The following GRM1 variants were observed in gnomAD, a reference collection of about 807,000 sequenced individuals.
GRM1 encodes glutamate metabotropic receptor 1, also known as metabotropic glutamate receptor 1.
In GRM1, 33 loss-of-function variants were observed where a neutral mutation model predicts 90.9. The observed-to-expected ratio is 0.36, with a 90% CI of 0.28 to 0.49. The LOEUF is 0.49. Ranked by LOEUF, GRM1 falls within the 20% of genes least tolerant of loss-of-function variation. The pLI, the probability that GRM1 is intolerant of heterozygous loss-of-function variation, is 0.99. For synonymous variants in GRM1, 700 were observed against 613.2 expected, an observed-to-expected ratio of 1.14 and a Z score of -2.09; for missense variants, 1,190 against 1,534.3, an observed-to-expected ratio of 0.78 and a Z score of 3.75.
chr6:146,260,139 C>T (rs547387737), intron 2 of GRM1, among the ~76,000 whole-genome samples: 308 of 152,070 alleles, frequency 2.0e-3, no homozygotes, highest in African/African-American at 7.1e-3. Context: ...AGATATTACT[C>T]CTAATGCTAT....
At chr6:146,089,354 A>G (rs1355968922) in intron 1 of GRM1, among the ~76,000 whole-genome samples, 2 of 152,078 alleles carry the variant, frequency 1.3e-5, no homozygotes, top group African/African-American at 2.4e-5. Flanking sequence ...TCCCAGTCAA[A>G]ACATCAGATG....
intron 2 of GRM1, among the ~76,000 whole-genome samples, chr6:146,200,290 C>T (rs1416346465): frequency 2.6e-5 from 4 of 152,162 alleles, no homozygotes; most frequent in Non-Finnish European, 5.9e-5. Context: ...TTGCTCTCAT[C>T]TTTTAGTCTT....
Position 146,434,106 on chromosome 6 carries a change from G to A in GRM1, c.2895G>A (p.Pro965=), listed in dbSNP as rs148761295. Reference sequence around the variant, plus strand: ...TAGAGGAGGAGGAGGATGCCCAGCCGATTCGCTTTAGCCCGCCTGGTAGCC... The same window carrying A: ...TAGAGGAGGAGGAGGATGCCCAGCCAATTCGCTTTAGCCCGCCTGGTAGCC... ...YNVEEEEDAQ[P]IRFSPPGSPS... The change falls in exon 8 of 8, where the codon CCG becomes CCA. Residue 965 remains proline (P), a synonymous_variant. Transcript: ENST00000282753. 8.7e-6 allele frequency: 14 copies of A among 1,614,066 alleles called. No homozygotes were observed. In the African/African-American group the frequency reaches 1.5e-4, roughly 17 times the overall value.
rs543593545 is a variant in GRM1 at position 146,032,023 on chromosome 6, G to T, written c.700+1806G>T. Among the ~76,000 whole-genome samples the T allele has an allele frequency of 1.4e-4, 22 of 152,208 alleles. No individual in the cohort carries two copies. The South Asian group carries it at 4.6e-3, about 32-fold the overall frequency. On this transcript the variant is annotated intron_variant, in intron 1 of 7. Transcript: ENST00000282753. Reference sequence around the variant, plus strand: ...ATTTTCCATATTTCATTATAAGATTGTTTTATTTGGTGAGAGGTGGCTAAT... The same window carrying T: ...ATTTTCCATATTTCATTATAAGATTTTTTTATTTGGTGAGAGGTGGCTAAT...
intron 1 of GRM1, among the ~76,000 whole-genome samples, chr6:146,057,585 C>T (rs1025159505): frequency 6.6e-6 from 1 of 152,076 alleles, no homozygotes; most frequent in Non-Finnish European, 1.5e-5. Flanking sequence ...CAATCAATCT[C>T]TTAACTCATT....
intron 1 of GRM1, among the ~76,000 whole-genome samples, chr6:146,144,643 A>C (rs1225677186): frequency 6.6e-6 from 1 of 152,246 alleles, no homozygotes; most frequent in African/African-American, 2.4e-5. Flanking sequence ...AATTGGCACC[A>C]GGAGTGGGGT....
At chr6:146,203,422 A>G (rs960297000) in intron 2 of GRM1, among the ~76,000 whole-genome samples, 1 of 152,084 alleles carries the variant, frequency 6.6e-6, no homozygotes, top group African/African-American at 2.4e-5. Context: ...TAGCAGACAT[A>G]GAAAAGTGAA....
chr6:146,065,025 C>T (rs958012508), intron 1 of GRM1, among the ~76,000 whole-genome samples: 3 of 151,848 alleles, frequency 2.0e-5, no homozygotes, highest in African/African-American at 7.3e-5. Flanking sequence ...TATTGATTTA[C>T]ACTTAAAGTT....
At chr6:146,054,731 GT>G (rs1775418094) in intron 1 of GRM1, among the ~76,000 whole-genome samples, 1 of 152,088 alleles carries the variant, frequency 6.6e-6, no homozygotes, top group South Asian at 2.1e-4. Context: ...TTTTATATTT[GT>G]TTTTTAATGC....
chr6:146,363,690 G>T (rs362909), intron 5 of GRM1, among the ~76,000 whole-genome samples: 1 of 151,982 alleles, frequency 6.6e-6, no homozygotes, highest in Admixed American at 6.6e-5. Flanking sequence ...CATAAAATAG[G>T]TGTGTTCTCA....
intron 2 of GRM1, among the ~76,000 whole-genome samples, chr6:146,165,048 C>A (rs1777861850): frequency 6.6e-6 from 1 of 151,992 alleles, no homozygotes; most frequent in African/African-American, 2.4e-5. Flanking sequence ...CTTTCTATCA[C>A]TCCTCACTGC....
chr6:146,107,876 T>C (rs1188800579), intron 1 of GRM1, among the ~76,000 whole-genome samples: 3 of 152,272 alleles, frequency 2.0e-5, no homozygotes, highest in Non-Finnish European at 2.9e-5. Flanking sequence ...AATTATTGAG[T>C]CTTAATCATA....
intron 6 of GRM1, among the ~76,000 whole-genome samples, chr6:146,396,641 C>A (rs1776947927): frequency 6.6e-6 from 1 of 151,846 alleles, no homozygotes; most frequent in African/African-American, 2.4e-5. Flanking sequence ...CAAAACGAAA[C>A]AAACACACAA....
At position 146,271,192 on chromosome 6, in the gene GRM1, G is replaced by C. The variant is rs371159451; in HGVS notation, c.951-33419G>C. On this transcript the variant is annotated intron_variant, in intron 2 of 7. Coordinates refer to ENST00000282753, the MANE Select transcript of GRM1 (RefSeq NM_001278064.2). ...GCTAATTGTTTGTATTTTTAGTAGA[G>C]ATGAGGTTTCACTATGTTGGCCAGG... Among the ~76,000 whole-genome samples, 16 of 152,010 alleles carry C rather than the reference G, an allele frequency of 1.1e-4. No individual in the cohort carries two copies. The South Asian group carries it at 3.3e-3, about 32-fold the overall frequency.
At chr6:146,320,879 C>T (rs1463636170) in intron 3 of GRM1, among the ~76,000 whole-genome samples, 2 of 151,988 alleles carry the variant, frequency 1.3e-5, no homozygotes, top group African/African-American at 4.8e-5. Context: ...ATTAGTCTGG[C>T]TAGCAGTCTA....
chr6:146,188,282 C>A (rs1441574515), intron 2 of GRM1, among the ~76,000 whole-genome samples: 1 of 152,002 alleles, frequency 6.6e-6, no homozygotes, highest in East Asian at 1.9e-4. Flanking sequence ...TCTAAAAATC[C>A]TTTTTTGTTA....
chr6:146,032,410 G>A (rs1395428394), intron 1 of GRM1, among the ~76,000 whole-genome samples: 2 of 152,080 alleles, frequency 1.3e-5, no homozygotes, highest in African/African-American at 4.8e-5. Flanking sequence ...AAACTAAATT[G>A]CATTTCTTTC....
intron 2 of GRM1, among the ~76,000 whole-genome samples, chr6:146,194,200 A>G (rs1779033469): frequency 6.6e-6 from 1 of 152,106 alleles, no homozygotes; most frequent in Admixed American, 6.5e-5. Context: ...TTGCCTACTC[A>G]TATCTTCTTT....
chr6:146,234,645 C>T (rs58938823), intron 2 of GRM1, among the ~76,000 whole-genome samples: 33,458 of 152,030 alleles, frequency 0.22, 7,579 homozygotes, highest in African/African-American at 0.58. Flanking sequence ...TAAATTTCTT[C>T]TGACATATTT....
Sources: allele counts gnomAD v4.1 joint callset (sites outside exome capture counted in the v4.1 genomes callset), GRCh38; gene constraint gnomAD v4.1.1; transcripts MANE v1.5; gene names NCBI Gene and HGNC (gene_info 2026-07-23, HGNC 2026-07-21).